Variants in KLHL33 observed in about 807,000 individuals in gnomAD.
KLHL33 encodes the protein kelch-like protein 33.
KLHL33 carries 46 observed loss-of-function variants against 60.8 expected under a neutral mutation model. That is an observed-to-expected ratio of 0.76 (90% CI 0.60 to 0.97). The LOEUF (loss-of-function observed/expected upper bound fraction) is 0.97. KLHL33 is among the 50% of genes least tolerant of loss of function. The probability of loss-of-function intolerance (pLI) is 0.00; values close to 1 mark genes in which losing one functional copy is unlikely to be tolerated. For synonymous variants in KLHL33, 434 were observed against 432.2 expected (o/e 1.00, Z -0.05); for missense variants, 1,055 against 1,000.0 (o/e 1.05, Z -0.74).
Position 20,429,103 on chromosome 14 carries a change from G to A in KLHL33, c.2140C>T (p.Pro714Ser). The change falls in exon 5 of 5, where the codon CCC becomes TCC. Residue 714 changes from proline (P) to serine (S), a missense_variant. Coordinates refer to ENST00000636854, the MANE Select transcript of KLHL33 (RefSeq NM_001365790.2). ...GCCCCCACATGGGGGGAGGGTAGGG[G>A]TGCCAGGTGAGTCCAGCTATCAGTC... ...LRTDSWTHLA[P>S]LPSPHVGAAS... 6.4e-7 allele frequency: 1 copy of A among 1,551,718 alleles called. No homozygotes were observed. The highest frequency in any genetic ancestry group is 1.2e-5 in the South Asian group (1 of 84,062).
At chr14:20,435,022 G>C (rs1880639493) in intron 2 of KLHL33, 42 bp downstream of exon 2, 2 of 1,229,208 alleles carry the variant, frequency 1.6e-6, no homozygotes, top group Non-Finnish European at 1.0e-6. Flanking sequence ...CATTCCGTTA[G>C]CATATGCACC....
chr14:20,426,343 A>C lies in KLHL33; in HGVS notation c.*2506T>G, dbSNP rs1465862571. ...ATGGAGAAACCCCGTCTCTACTAAAAATACAAAATTAGCCAGATGTAATAG... is the reference window on the plus strand; with the variant it reads ...ATGGAGAAACCCCGTCTCTACTAAACATACAAAATTAGCCAGATGTAATAG... On this transcript the variant is annotated 3_prime_UTR_variant, in exon 5 of 5. Transcript: ENST00000636854. 2.0e-5 allele frequency: 3 copies of C among 152,076 alleles called. No homozygotes were observed. Among genetic ancestry groups the C allele is most frequent in the African/African-American group, 7.2e-5 (3 of 41,386 alleles). 9.4% of individuals were successfully genotyped at this position (152,076 alleles called of 1,614,324 possible). A position where few individuals can be genotyped will look rare whatever the true frequency, so the allele number is the denominator to read the frequency against.
Position 20,429,254 on chromosome 14 carries a change from C to A in KLHL33, c.1989G>T (p.Thr663=), listed in dbSNP as rs761263954. ...HYDPKLEKPG[T]FLSPMGVPRA... ...GAGGTACCCCCATAGGGCTCAGAAA[C>A]GTCCCTGGCTTCTCAAGTTTGGGGT... is the stretch of plus-strand genomic sequence containing the variant. The change falls in exon 5 of 5, where the codon ACG becomes ACT. Residue 663 remains threonine, a synonymous_variant. Coordinates refer to ENST00000636854, the MANE Select transcript of KLHL33 (RefSeq NM_001365790.2). 1 of 1,551,754 alleles carries A rather than the reference C, an allele frequency of 6.4e-7. No individual in the cohort carries two copies. The highest frequency in any genetic ancestry group is 1.7e-4 in the Middle Eastern group (1 of 5,992).
At chr14:20,431,585 G>A (rs1007645972) in intron 2 of KLHL33, among the ~76,000 whole-genome samples, 8 of 152,220 alleles carry the variant, frequency 5.3e-5, no homozygotes, top group African/African-American at 1.7e-4. Flanking sequence ...AACATTAGCC[G>A]GGCATGGTGG....
Position 20,428,652 on chromosome 14 carries a change from T to G in KLHL33, c.*197A>C. The G allele has an allele frequency of 1.7e-6, 1 of 576,002 alleles. No homozygotes were observed. The highest frequency in any genetic ancestry group is 3.0e-6 in the Non-Finnish European group (1 of 329,172). 35.7% of individuals were successfully genotyped at this position (576,002 alleles called of 1,614,324 possible). ...CCTGGGTATTCAGCTGCCTCCCCTTTCCCTATATGTTTTCCCTAGGAGTTC... is the reference window on the plus strand; with the variant it reads ...CCTGGGTATTCAGCTGCCTCCCCTTGCCCTATATGTTTTCCCTAGGAGTTC... On this transcript the variant is annotated 3_prime_UTR_variant, in exon 5 of 5. Transcript: ENST00000636854.
At position 20,430,525 on chromosome 14, in the gene KLHL33, G is replaced by A. The variant is rs867906895; in HGVS notation, c.943C>T (p.Leu315=). 1.6e-5 allele frequency: 25 copies of A among 1,545,716 alleles called. No homozygotes were observed. Among genetic ancestry groups the A allele is most frequent in the Non-Finnish European group, 1.6e-5 (18 of 1,147,032 alleles). Residue 315 remains leucine, a synonymous_variant, in exon 3 of 5, where the codon CTG becomes TTG. Transcript: ENST00000636854. ...AAGCAGGAAGAGCTCTGGTACTGCA[G>A]AGCAGCCTGGGCAGCTCTCAGTAGC... is the stretch of plus-strand genomic sequence containing the variant. The part of the protein sequence containing the change: ...PGLLRAAQAA[L]QYQSSSCLDL...
chr14:20,432,908 C>A (rs1459746702), intron 2 of KLHL33, among the ~76,000 whole-genome samples: 1 of 65,938 alleles, frequency 1.5e-5, no homozygotes, highest in Non-Finnish European at 3.1e-5. Context: ...GGTGACAGAA[C>A]AAGATTCCAT....
chr14:20,429,922 G>A lies in KLHL33; in HGVS notation c.1546C>T (p.Gln516Ter). 7.1e-6 allele frequency: 11 copies of A among 1,551,752 alleles called. No homozygotes were observed. Among genetic ancestry groups the A allele is most frequent in the Non-Finnish European group, 8.7e-6 (10 of 1,147,022 alleles). The part of the protein sequence containing the change: ...VGLVRTVEWG[Q>*]LPALPAPGRF... ...CCGGGGGCAGGCAGGGCAGGCAGCTGCCCCCACTCAACAGTTCGTACCAGT... is the reference window on the plus strand; with the variant it reads ...CCGGGGGCAGGCAGGGCAGGCAGCTACCCCCACTCAACAGTTCGTACCAGT... Residue 516 changes from glutamine (Q) to a stop codon, truncating the protein, a stop_gained, in exon 3 of 5, where the codon CAG (glutamine) becomes TAG (stop). Coordinates refer to ENST00000636854, the MANE Select transcript of KLHL33 (RefSeq NM_001365790.2). LOFTEE classifies it high-confidence loss of function.
At chr14:20,435,861 C>T (rs533485090) in intron 1 of KLHL33, 31 bp from the exon 2 acceptor site, 4 of 1,231,918 alleles carry the variant, frequency 3.2e-6, no homozygotes, top group Non-Finnish European at 4.1e-6. Context: ...GACAGCCTGG[C>T]GTCAGAGCTG....
In KLHL33 at chr14:20,428,657, A is replaced by C; in HGVS notation, c.*192T>G. On this transcript the variant is annotated 3_prime_UTR_variant, in exon 5 of 5. Transcript: ENST00000636854. ...GTATTCAGCTGCCTCCCCTTTCCCT[A>C]TATGTTTTCCCTAGGAGTTCTGGAA... 2 of 591,800 alleles carry C rather than the reference A, an allele frequency of 3.4e-6. No individual in the cohort carries two copies. The highest frequency in any genetic ancestry group is 2.4e-5 in the South Asian group (1 of 42,212). 36.7% of individuals were successfully genotyped at this position (591,800 alleles called of 1,614,324 possible). A position where few individuals can be genotyped will look rare whatever the true frequency, so the allele number is the denominator to read the frequency against.
Position 20,428,876 on chromosome 14 carries a change from G to T in KLHL33, c.2367C>A (p.Thr789=), listed in dbSNP as rs1334025258. The T allele has an allele frequency of 6.4e-7, 1 of 1,551,418 alleles. No homozygotes were observed. Among genetic ancestry groups the T allele is most frequent in the East Asian group, 2.4e-5 (1 of 40,912 alleles). The change falls in exon 5 of 5, where the codon ACC becomes ACA. Residue 789 remains threonine (T), a synonymous_variant. Transcript: ENST00000636854. ...ACCCAGCAGGTTTGGTTTGGTGTGGGGTGGGAACCAAAGCTATGTGCTGCA... is the reference window on the plus strand; with the variant it reads ...ACCCAGCAGGTTTGGTTTGGTGTGGTGTGGGAACCAAAGCTATGTGCTGCA... ...PAVQHIALVP[T]PHQTKPAG is the part of the protein sequence containing the mutation.
At position 20,435,424 on chromosome 14, in the gene KLHL33, T is replaced by C; in HGVS notation, c.388A>G (p.Ile130Val). The C allele has an allele frequency of 1.6e-6, 2 of 1,234,378 alleles. 1 individual carries two copies. The highest frequency in any genetic ancestry group is 8.2e-5 in the South Asian group (2 of 24,422). The allele number at this position is 1,234,378 out of a possible 1,614,324, so 76.5% of individuals were successfully genotyped here. The change falls in exon 2 of 5, where the codon ATC becomes GTC. Residue 130 changes from isoleucine (I) to valine (V), a missense_variant. Transcript: ENST00000636854. Reference protein sequence around the residue: ...AGRVYGVHRVILAAISSLFRD... With the variant: ...AGRVYGVHRVVLAAISSLFRD... ...AAGAGGCTGCTGATTGCGGCCAGGA[T>C]CACCCGATGCACCCCGTATACCCGC...
Position 20,426,078 on chromosome 14 carries a change from C to T in KLHL33, c.*2771G>A, listed in dbSNP as rs1007900707. The T allele has an allele frequency of 7.9e-5, 12 of 152,026 alleles. No homozygotes were observed. In the South Asian group the frequency reaches 8.3e-4, roughly 11 times the overall value. The allele number at this position is 152,026 out of a possible 1,614,324, so 9.4% of individuals were successfully genotyped here. A position where few individuals can be genotyped will look rare whatever the true frequency, so the allele number is the denominator to read the frequency against. ...ACAGAAAAAGATCTTACTAAAATAA[C>T]GAAATCTAAAAATAAATAAATAAAA... On this transcript the variant is annotated 3_prime_UTR_variant, in exon 5 of 5. Coordinates refer to ENST00000636854, the MANE Select transcript of KLHL33 (RefSeq NM_001365790.2).
rs931302346 is a variant in KLHL33, at chr14:20,429,453, T to A, written c.1841+49A>T. 4 of 1,550,076 alleles carry A rather than the reference T, an allele frequency of 2.6e-6. No homozygotes were observed. In the African/African-American group the frequency reaches 5.5e-5, roughly 21 times the overall value. On this transcript the variant is annotated intron_variant, in intron 4 of 4. Transcript: ENST00000636854. ...GGCAACTAGCATCTTCAACTCTCCT[T>A]CTATTCCAAGTCTCCTAATCTCTCC... is the stretch of plus-strand genomic sequence containing the variant.
intron 2 of KLHL33, among the ~76,000 whole-genome samples, chr14:20,434,542 G>GAAAA (rs5807035): frequency 7.0e-6 from 1 of 141,910 alleles, no homozygotes; most frequent in South Asian, 2.2e-4. Flanking sequence ...TGCTGTCTCA[G>GAAAA]AAAAAAAAAA....
rs547784419 is a variant in KLHL33, at chr14:20,427,254, T to C, written c.*1595A>G. The stretch of plus-strand genomic sequence containing the variant: ...TTGACCTAAACACACACAAAAAAAC[T>C]GACCCTTTTTTGCTCTCAGCTGTCC... On this transcript the variant is annotated 3_prime_UTR_variant, in exon 5 of 5. Transcript: ENST00000636854. The C allele has an allele frequency of 6.9e-6, 1 of 145,336 alleles. No homozygotes were observed. The highest frequency in any genetic ancestry group is 2.0e-4 in the East Asian group (1 of 4,920). 9.0% of individuals were successfully genotyped at this position (145,336 alleles called of 1,614,324 possible).
At chr14:20,434,946 A>G (rs1880637248) in intron 2 of KLHL33, 118 bp downstream of exon 2, 3 of 948,582 alleles carry the variant, frequency 3.2e-6, no homozygotes, top group Non-Finnish European at 4.1e-6. Flanking sequence ...CCCCAGGGAA[A>G]TTCTGACAGC....
Position 20,430,173 on chromosome 14 carries a change from G to C in KLHL33, c.1295C>G (p.Ser432Cys). 6.4e-7 allele frequency: 1 copy of C among 1,551,528 alleles called. No homozygotes were observed. The change falls in exon 3 of 5, where the codon TCC becomes TGC. Residue 432 changes from serine to cysteine, a missense_variant. Transcript: ENST00000636854. ...LLRCVRFGRM[S>C]TRELRRVRAA... ...CCGCACCCTCCGCAACTCCCTGGTGGACATGCGGCCAAAGCGGACACATCG... is the reference window on the plus strand; with the variant it reads ...CCGCACCCTCCGCAACTCCCTGGTGCACATGCGGCCAAAGCGGACACATCG...
intron 2 of KLHL33, among the ~76,000 whole-genome samples, chr14:20,432,975 A>AAAGAAAGG: frequency 1.3e-5 from 2 of 151,826 alleles, no homozygotes; most frequent in Non-Finnish European, 2.9e-5. Context: ...AGAAAGAAAG[A>AAAGAAAGG]AAGAAAGAAA....
Sources: gnomAD v4.1 joint callset for allele counts (sites outside exome capture counted in the v4.1 genomes callset) on GRCh38, gnomAD v4.1.1 for gene constraint, MANE v1.5 for transcripts, NCBI Gene and HGNC (gene_info 2026-07-23, HGNC 2026-07-21) for gene names.